The following SELENOF variants were observed in gnomAD, a reference collection of about 807,000 sequenced individuals.
SELENOF encodes selenoprotein F.
A neutral mutation model predicts 20.5 loss-of-function variants in SELENOF; 16 were observed. The observed-to-expected ratio is 0.78, with a 90% CI of 0.53 to 1.19. The LOEUF (loss-of-function observed/expected upper bound fraction) is 1.19, where lower values mean the gene tolerates loss of function less well. Ranked by LOEUF, SELENOF falls within the 50% of genes most tolerant of loss-of-function variation. The pLI is 0.00. For synonymous variants in SELENOF, 78 were observed against 74.5 expected (o/e 1.05, Z -0.24); for missense variants, 215 against 194.2 (o/e 1.11, Z -0.64).
At chr1:86,887,735 G>A (rs1437349908) in intron 2 of SELENOF, among the ~76,000 whole-genome samples, 1 of 152,054 alleles carries the variant, frequency 6.6e-6, no homozygotes, top group Non-Finnish European at 1.5e-5. Flanking sequence ...AAAATAAGGG[G>A]TAAGACTGTA....
chr1:86,904,232 C>T (rs139671386), intron 1 of SELENOF, among the ~76,000 whole-genome samples: 4 of 152,270 alleles, frequency 2.6e-5, no homozygotes, highest in Non-Finnish European at 4.4e-5. Flanking sequence ...CGCCAGAATT[C>T]AAACTTTTGG....
chr1:86,897,425 C>T (rs1177279736), intron 2 of SELENOF, among the ~76,000 whole-genome samples: 1 of 152,100 alleles, frequency 6.6e-6, no homozygotes, highest in East Asian at 1.9e-4. Flanking sequence ...CTAACATAAC[C>T]TGGGAGTGAT....
chr1:86,892,439 G>A (rs1659414456), intron 2 of SELENOF, among the ~76,000 whole-genome samples: 1 of 152,104 alleles, frequency 6.6e-6, no homozygotes, highest in African/African-American at 2.4e-5. Context: ...ACAGACACAC[G>A]ACAAAAGTGA....
At chr1:86,898,877 G>C (rs1359775181) in intron 2 of SELENOF, among the ~76,000 whole-genome samples, 1 of 151,704 alleles carries the variant, frequency 6.6e-6, no homozygotes, top group Admixed American at 6.6e-5. Flanking sequence ...GGGAAGGTCA[G>C]CAGATAAACA....
intron 4 of SELENOF, among the ~76,000 whole-genome samples, chr1:86,867,211 G>A (rs893140815): frequency 2.0e-5 from 3 of 152,108 alleles, no homozygotes; most frequent in Middle Eastern, 3.2e-3. Context: ...TGGTGGCCAG[G>A]CGCAGTGGCT....
At chr1:86,866,631 T>TA (rs1299543229) in intron 4 of SELENOF, among the ~76,000 whole-genome samples, 1 of 151,966 alleles carries the variant, frequency 6.6e-6, no homozygotes, top group Non-Finnish European at 1.5e-5. Flanking sequence ...TACCACAATT[T>TA]AAAAAAAGAG....
At chr1:86,894,636 C>T (rs753165454) in intron 2 of SELENOF, among the ~76,000 whole-genome samples, 3 of 152,020 alleles carry the variant, frequency 2.0e-5, no homozygotes, top group African/African-American at 4.8e-5. Flanking sequence ...GCCAGGAGTT[C>T]AAGACCAGTT....
chr1:86,890,021 A>C (rs556002814), intron 2 of SELENOF, among the ~76,000 whole-genome samples: 21 of 152,210 alleles, frequency 1.4e-4, no homozygotes, highest in Non-Finnish European at 2.8e-4. Context: ...ATACCAGTTT[A>C]CTCTTTATAA....
chr1:86,881,363 C>T (rs138117851), intron 2 of SELENOF, among the ~76,000 whole-genome samples: 1,838 of 152,230 alleles, frequency 0.012, 44 homozygotes, highest in African/African-American at 0.042. Flanking sequence ...TTATAAAAAA[C>T]TCAAATGCAA....
Position 86,862,692 on chromosome 1 carries a change from GAACA to G in SELENOF, c.*778_*781del, listed in dbSNP as rs1366837931. On this transcript the variant is annotated 3_prime_UTR_variant, in exon 5 of 5. Coordinates refer to ENST00000331835, the MANE Select transcript of SELENOF (RefSeq NM_004261.5). The stretch of plus-strand genomic sequence containing the variant: ...AAAAACATCATTTTTAAACATGAAA[GAACA>G]AACCAGAAGAATTCCAAATTCAGAT... 3 of 152,058 alleles carry G rather than the reference GAACA, an allele frequency of 2.0e-5. No individual in the cohort carries two copies. The highest frequency in any genetic ancestry group is 7.2e-5 in the African/African-American group (3 of 41,416). The allele number at this position is 152,058 out of a possible 1,614,324, so 9.4% of individuals were successfully genotyped here.
intron 3 of SELENOF, among the ~76,000 whole-genome samples, chr1:86,870,297 T>G (rs2102072295): frequency 6.6e-6 from 1 of 152,344 alleles, no homozygotes. Flanking sequence ...ACAAAATTTA[T>G]TTCAAAATGA....
chr1:86,908,350 C>T (rs1659884225), intron 1 of SELENOF, among the ~76,000 whole-genome samples: 1 of 152,106 alleles, frequency 6.6e-6, no homozygotes, highest in East Asian at 1.9e-4. Flanking sequence ...CTTTTATAAA[C>T]CAGCAGATAT....
chr1:86,889,831 T>A (rs1362638663), intron 2 of SELENOF, among the ~76,000 whole-genome samples: 1 of 152,182 alleles, frequency 6.6e-6, no homozygotes, highest in African/African-American at 2.4e-5. Context: ...TCCAAATAAA[T>A]AAATTTATTG....
chr1:86,903,455 AT>A lies in SELENOF; in HGVS notation c.85-8del. 6.3e-7 allele frequency: 1 copy of A among 1,585,896 alleles called. No individual in the cohort carries two copies. The highest frequency in any genetic ancestry group is 8.6e-7 in the Non-Finnish European group (1 of 1,168,064). ...CTGCCCCAAAAGCAGACACCTGAAA[AT>A]AAAAAATGGGAAATAAAACACAATT... is the stretch of plus-strand genomic sequence containing the variant. On this transcript the variant is annotated splice_polypyrimidine_tract_variant and splice_region_variant and intron_variant, in intron 1 of 4. Coordinates refer to ENST00000331835, the MANE Select transcript of SELENOF (RefSeq NM_004261.5).
At chr1:86,886,756 C>T (rs901535831) in intron 2 of SELENOF, among the ~76,000 whole-genome samples, 1 of 151,972 alleles carries the variant, frequency 6.6e-6, no homozygotes, top group African/African-American at 2.4e-5. Flanking sequence ...GAATTCATAT[C>T]TGAGGAATAA....
intron 2 of SELENOF, among the ~76,000 whole-genome samples, chr1:86,889,340 A>C (rs1244424222): frequency 6.6e-6 from 1 of 152,156 alleles, no homozygotes; most frequent in African/African-American, 2.4e-5. Context: ...TCAGGTCTGT[A>C]ATCCCAGCAT....
chr1:86,898,122 T>C (rs1381034239), intron 2 of SELENOF, among the ~76,000 whole-genome samples: 1 of 152,230 alleles, frequency 6.6e-6, no homozygotes, highest in Admixed American at 6.5e-5. Flanking sequence ...ACAAATTAGT[T>C]ATGATTTTTA....
At position 86,880,831 on chromosome 1, in the gene SELENOF, T is replaced by C. The variant is rs938861846; in HGVS notation, c.253-106A>G. The C allele has an allele frequency of 2.5e-5, 17 of 671,108 alleles. No homozygotes were observed. In the East Asian group the frequency reaches 4.9e-4, roughly 19 times the overall value. The allele number at this position is 671,108 out of a possible 1,614,324, so 41.6% of individuals were successfully genotyped here. On this transcript the variant is annotated intron_variant, in intron 2 of 4. Transcript: ENST00000331835. The stretch of plus-strand genomic sequence containing the variant: ...ATAAACATTACAGTTAGCAGATATA[T>C]AGATCAAAGAAATGTCAAAGCTGGT...
chr1:86,874,130 AT>A (rs1268318403), intron 3 of SELENOF, among the ~76,000 whole-genome samples: 1,750 of 146,554 alleles, frequency 0.012, 31 homozygotes, highest in African/African-American at 0.039. Flanking sequence ...TTCCCTGCTA[AT>A]TTTTTTTTTT....
Sources: allele counts gnomAD v4.1 joint callset (sites outside exome capture counted in the v4.1 genomes callset), GRCh38; gene constraint gnomAD v4.1.1; transcripts MANE v1.5; gene names NCBI Gene and HGNC (gene_info 2026-07-23, HGNC 2026-07-21).